C3: variants seen among roughly 807,000 people sequenced by gnomAD.
C3 encodes complement C3.
A neutral mutation model predicts 207.9 loss-of-function variants in C3; 97 were observed. That is an observed-to-expected ratio of 0.47 (90% confidence interval 0.40 to 0.55). The LOEUF (loss-of-function observed/expected upper bound fraction) is 0.55, where lower values mean the gene tolerates loss of function less well. Among genes scored for constraint, C3 ranks in the 20% least tolerant of loss-of-function variants. C3 has a pLI of 0.00. For synonymous variants in C3, 848 were observed against 857.6 expected (o/e 0.99, Z 0.20); for missense variants, 1,684 against 2,171.7 (o/e 0.78, Z 4.46).
rs780530250 is a variant in C3 at position 6,719,194 on chromosome 19, C to G, written c.267+17G>C. On this transcript the variant is annotated intron_variant, in intron 2 of 40. Transcript: ENST00000245907. This position sits in a 1 kb window ranked among gnomAD's most constrained non-coding sequence, Gnocchi z 5.4. Reference sequence around the variant, plus strand: ...GGCTGTGGGTGTCAGCCGGGTCCTGCGCCAGTCTGCACTCACCGTGAAGGT... The same window carrying G: ...GGCTGTGGGTGTCAGCCGGGTCCTGGGCCAGTCTGCACTCACCGTGAAGGT... The G allele has an allele frequency of 1.7e-5, 28 of 1,612,056 alleles. No homozygotes were observed. Among genetic ancestry groups the G allele is most frequent in the Non-Finnish European group, 2.3e-5 (27 of 1,178,470 alleles).
chr19:6,696,069 G>C, intron 23 of C3, among the ~76,000 whole-genome samples: 1 of 151,764 alleles, frequency 6.6e-6, no homozygotes. Flanking sequence ...AATTAGCCGG[G>C]CGTGGTGGCG....
At chr19:6,679,535 C>T (rs763575041) in intron 36 of C3, 39 bp from the exon 37 acceptor site, 8 of 1,436,024 alleles carry the variant, frequency 5.6e-6, no homozygotes, top group Non-Finnish European at 7.9e-6. Context: ...AGGATAAGGG[C>T]CTCCCTCCAA....
chr19:6,715,146 C>T (rs1968005356), intron 4 of C3, among the ~76,000 whole-genome samples: 1 of 151,902 alleles, frequency 6.6e-6, no homozygotes, highest in African/African-American at 2.4e-5. Flanking sequence ...CACTGCACTC[C>T]AGTCTGGGTG....
In C3 at chr19:6,692,998, A is replaced by G. The variant is rs1918203550; in HGVS notation, c.3316T>C (p.Trp1106Arg). Residue 1106 changes from tryptophan (W) to arginine (R), a missense_variant, in exon 26 of 41, where the codon TGG becomes CGG. Physicochemically the swap from Trp to Arg is moderately radical, Grantham distance 101. Coordinates refer to ENST00000245907, the MANE Select transcript of C3 (RefSeq NM_000064.4). ...DSQVLCGAVK[W>R]LILEKQKPDG... Reference sequence around the variant, plus strand: ...GGCTTCTGCTTCTCCAGGATCAGCCATTTAACAGCCCCGCAGAGGACTTGG... The same window carrying G: ...GGCTTCTGCTTCTCCAGGATCAGCCGTTTAACAGCCCCGCAGAGGACTTGG... 1 of 1,614,066 alleles carries G rather than the reference A, an allele frequency of 6.2e-7. No homozygotes were observed. Among genetic ancestry groups the G allele is most frequent in the Admixed American group, 1.7e-5 (1 of 60,008 alleles).
rs1312995934 is a variant in C3 at position 6,685,108 on chromosome 19, T to G, written c.3849A>C (p.Gln1283His). The G allele has an allele frequency of 6.2e-7, 1 of 1,613,942 alleles. No homozygotes were observed. The highest frequency in any genetic ancestry group is 1.1e-5 in the South Asian group (1 of 91,070). The change falls in exon 30 of 41, where the codon CAA becomes CAC. Residue 1283 changes from glutamine (Q) to histidine (H), a missense_variant. Physicochemically the swap from Gln to His is conservative, Grantham distance 24. Around this residue, in one of 3 missense-constraint regions of C3, gnomAD observed 1,280 missense variants for 1,739.1 expected, o/e 0.74. Transcript: ENST00000245907. ...GTTCCTGGTGGTCAGGGGCGTCCTT[T>G]TGGTATTGAGCCAAGGCTTGGAACA... ...FMVFQALAQY[Q>H]KDAPDHQELN...
In C3 at chr19:6,686,401, G is replaced by A. The variant is rs1206824900; in HGVS notation, c.3647-114C>T. 6.0e-6 allele frequency: 7 copies of A among 1,159,002 alleles called. 1 individual carries two copies. Among genetic ancestry groups the A allele is most frequent in the Non-Finnish European group, 7.7e-6 (6 of 774,800 alleles). The allele number at this position is 1,159,002 out of a possible 1,614,324, so 71.8% of individuals were successfully genotyped here. A position where few individuals can be genotyped will look rare whatever the true frequency, so the allele number is the denominator to read the frequency against. On this transcript the variant is annotated intron_variant, in intron 28 of 40. Coordinates refer to ENST00000245907, the MANE Select transcript of C3 (RefSeq NM_000064.4). ...GACTTCCTGGTGTTTGGGTGTCCTGGCTGACATTCGAGGCTCTCAATTACT... is the reference window on the plus strand; with the variant it reads ...GACTTCCTGGTGTTTGGGTGTCCTGACTGACATTCGAGGCTCTCAATTACT...
intron 27 of C3, among the ~76,000 whole-genome samples, chr19:6,688,645 G>A (rs538361031): frequency 6.6e-6 from 1 of 152,110 alleles, no homozygotes; most frequent in African/African-American, 2.4e-5. Flanking sequence ...TCAGCATCTT[G>A]AGTAGTTGGG....
intron 17 of C3, among the ~76,000 whole-genome samples, chr19:6,706,679 C>A (rs534814692): frequency 5.4e-4 from 78 of 145,736 alleles, no homozygotes; most frequent in African/African-American, 2.0e-3. Flanking sequence ...GGGACTCCTC[C>A]CCCCGAGACA....
intron 26 of C3, among the ~76,000 whole-genome samples, chr19:6,691,888 G>A (rs569870917): frequency 3.3e-5 from 5 of 152,136 alleles, no homozygotes; most frequent in African/African-American, 1.2e-4. Context: ...TGAGGAGGTT[G>A]AGGTAGGAGA....
chr19:6,712,908 T>C (rs1967949700), intron 9 of C3, among the ~76,000 whole-genome samples: 1 of 148,814 alleles, frequency 6.7e-6, no homozygotes. Context: ...ATCTTTATAC[T>C]GGCCCTGCCT....
chr19:6,696,472 GGTGA>G lies in C3; in HGVS notation c.2864-11_2864-8del. 1.2e-6 allele frequency: 2 copies of G among 1,610,796 alleles called. No homozygotes were observed. Among genetic ancestry groups the G allele is most frequent in the Non-Finnish European group, 1.7e-6 (2 of 1,177,186 alleles). On this transcript the variant is annotated splice_polypyrimidine_tract_variant and splice_region_variant and intron_variant, in intron 22 of 40. Coordinates refer to ENST00000245907, the MANE Select transcript of C3 (RefSeq NM_000064.4). ...TCCTCTTTCTGCACTCCTTCTGCAG[GGTGA>G]GTGAGAGATACCGATGGCTCTAGCT...
At chr19:6,708,968 TGAGC>T in intron 14 of C3, among the ~76,000 whole-genome samples, 1 of 152,008 alleles carries the variant, frequency 6.6e-6, no homozygotes, top group African/African-American at 2.4e-5. Context: ...ATTCCAGACG[TGAGC>T]CACCGCACCT....
chr19:6,718,509 A>G, intron 2 of C3, 97 bp from the exon 3 acceptor site: 1 of 1,464,882 alleles, frequency 6.8e-7, no homozygotes, highest in Non-Finnish European at 9.5e-7. Flanking sequence ...TTGCCTGCCC[A>G]TTATTCTTGG....
chr19:6,683,165 C>T (rs553966390), intron 33 of C3: 1 of 152,140 alleles, frequency 6.6e-6, no homozygotes, highest in East Asian at 1.9e-4. Context: ...TCATGGAAAG[C>T]TCAAAGGATA....
chr19:6,692,106 AAT>A (rs1381519759), intron 26 of C3, among the ~76,000 whole-genome samples: 1 of 151,610 alleles, frequency 6.6e-6, no homozygotes, highest in Non-Finnish European at 1.5e-5. Flanking sequence ...CCGGTCTCAG[AAT>A]ATGTTTTGTT....
intron 35 of C3, 35 bp downstream of exon 35, chr19:6,681,905 CT>C: frequency 6.5e-7 from 1 of 1,538,302 alleles, no homozygotes; most frequent in South Asian, 1.1e-5. Flanking sequence ...CAGGGTGCCC[CT>C]GGAAGCCTCC....
chr19:6,678,788 A>G (rs1917785674), intron 38 of C3, among the ~76,000 whole-genome samples: 1 of 152,062 alleles, frequency 6.6e-6, no homozygotes, highest in Admixed American at 6.5e-5. Context: ...GCCACGGAAA[A>G]CTACAGTCAT....
chr19:6,686,696 C>T, intron 28 of C3, 50 bp downstream of exon 28: 1 of 1,587,466 alleles, frequency 6.3e-7, no homozygotes, highest in Non-Finnish European at 8.6e-7. Flanking sequence ...TATCTCCCGC[C>T]CTGAACTTCA....
Position 6,678,400 on chromosome 19 carries a change from G to A in C3, c.4686C>T (p.Ile1562=), listed in dbSNP as rs1182511541. The A allele has an allele frequency of 6.2e-7, 1 of 1,614,192 alleles. No homozygotes were observed. The highest frequency in any genetic ancestry group is 8.5e-7 in the Non-Finnish European group (1 of 1,180,022). ...ACTTGATGGTCTGCTCAATGGCCAT[G>A]ATGTACTCGTCAAAGTCATTGGACA... ...VQLSNDFDEY[I]MAIEQTIKSG... Residue 1562 remains isoleucine (I), a synonymous_variant, in exon 39 of 41, where the codon ATC becomes ATT. Transcript: ENST00000245907.
Sources: gnomAD v4.1 joint callset for allele counts (sites outside exome capture counted in the v4.1 genomes callset) on GRCh38, gnomAD v4.1.1 for gene constraint, gnomAD v4.1.1 regional missense constraint, Gnocchi (gnomAD v3.1) non-coding constraint, MANE v1.5 for transcripts, NCBI Gene and HGNC (gene_info 2026-07-23, HGNC 2026-07-21) for gene names.